CRYBG3: variants seen among roughly 807,000 people sequenced by gnomAD.
CRYBG3 encodes the protein crystallin beta-gamma domain containing 3.
In CRYBG3, 127 loss-of-function variants were observed where a neutral mutation model predicts 244.2. The ratio of observed to expected loss-of-function variants is 0.52; its 90% CI spans 0.45 to 0.60. The LOEUF is 0.60. Ranked by LOEUF, CRYBG3 falls within the 20% of genes least tolerant of loss-of-function variation. CRYBG3 has a pLI of 0.00. For synonymous variants in CRYBG3, 1,132 were observed against 1,195.8 expected (o/e 0.95, Z 1.10); for missense variants, 3,325 against 3,442.5 (o/e 0.97, Z 0.85).
chr3:97,855,275 T>C (rs1246060099), intron 2 of CRYBG3, among the ~76,000 whole-genome samples: 1 of 152,270 alleles, frequency 6.6e-6, no homozygotes, highest in East Asian at 1.9e-4. Context: ...CTTGTTATTC[T>C]AGGGTAATGG....
intron 17 of CRYBG3, among the ~76,000 whole-genome samples, chr3:97,927,423 T>C (rs2107088477): frequency 6.6e-6 from 1 of 152,120 alleles, no homozygotes; most frequent in Admixed American, 6.6e-5. Context: ...TAACTCAAGA[T>C]GGATTAAAGA....
In CRYBG3 at chr3:97,872,450, C is replaced by T; in HGVS notation, c.1256C>T (p.Thr419Ile). Residue 419 changes from threonine to isoleucine, a missense_variant, in exon 4 of 22, where the codon ACA becomes ATA. Coordinates refer to ENST00000389622, the MANE Select transcript of CRYBG3 (RefSeq NM_153605.4). The stretch of plus-strand genomic sequence containing the variant: ...AACAGCACTGTGATGAGTAATAGGA[C>T]ATTGGTGCAAAGAGAGGAGCTTGTT... Reference protein sequence around the residue: ...KENSTVMSNRTLVQREELVEP... With the variant: ...KENSTVMSNRILVQREELVEP... 1 of 1,535,958 alleles carries T rather than the reference C, an allele frequency of 6.5e-7. No homozygotes were observed. The highest frequency in any genetic ancestry group is 8.7e-7 in the Non-Finnish European group (1 of 1,146,808).
chr3:97,929,525 G>GT (rs1559747074), intron 17 of CRYBG3, among the ~76,000 whole-genome samples: 1 of 151,540 alleles, frequency 6.6e-6, no homozygotes, highest in Non-Finnish European at 1.5e-5. Flanking sequence ...TATAATTCAA[G>GT]TATACTTATA....
chr3:97,886,592 T>A, intron 7 of CRYBG3, 39 bp from the exon 8 acceptor site: 1 of 1,565,542 alleles, frequency 6.4e-7, no homozygotes, highest in Non-Finnish European at 8.7e-7. Context: ...ACTGTGTGAC[T>A]CTAGTTGATT....
At chr3:97,879,219 T>G (rs1167734287) in intron 4 of CRYBG3, among the ~76,000 whole-genome samples, 1 of 152,216 alleles carries the variant, frequency 6.6e-6, no homozygotes, top group Non-Finnish European at 1.5e-5. Context: ...CTGTGTTTCC[T>G]ACCAGTACAC....
chr3:97,905,866 T>G (rs2039767861), intron 15 of CRYBG3, among the ~76,000 whole-genome samples: 1 of 129,676 alleles, frequency 7.7e-6, no homozygotes, highest in Non-Finnish European at 1.7e-5. Flanking sequence ...TCTAGGGTTT[T>G]TATGGTTTTA....
At chr3:97,847,297 A>G (rs1208278636) in intron 2 of CRYBG3, among the ~76,000 whole-genome samples, 2 of 152,142 alleles carry the variant, frequency 1.3e-5, no homozygotes, top group Non-Finnish European at 2.9e-5. Context: ...CAACAACAAA[A>G]ATACTCTTTT....
Position 97,928,824 on chromosome 3 carries a change from A to G in CRYBG3, c.8242-4870A>G, listed in dbSNP as rs187514691. Among the ~76,000 whole-genome samples the G allele has an allele frequency of 1.4e-4, 21 of 152,014 alleles. No homozygotes were observed. The East Asian group carries it at 2.9e-3, about 21-fold the overall frequency. ...GTAGAGTTATGTTGACTAGGAAAAA[A>G]ATTTTTGATTTTAAAGCTTTTTGGA... is the stretch of plus-strand genomic sequence containing the variant. On this transcript the variant is annotated intron_variant, in intron 17 of 21. Coordinates refer to ENST00000389622, the MANE Select transcript of CRYBG3 (RefSeq NM_153605.4).
At chr3:97,847,225 C>T (rs541021997) in intron 2 of CRYBG3, among the ~76,000 whole-genome samples, 15 of 152,298 alleles carry the variant, frequency 9.8e-5, no homozygotes, top group Non-Finnish European at 7.4e-5. Flanking sequence ...GTACAAACAT[C>T]CAAACTGTAT....
chr3:97,884,840 G>T (rs2039489078), intron 7 of CRYBG3, among the ~76,000 whole-genome samples: 1 of 151,970 alleles, frequency 6.6e-6, no homozygotes, highest in African/African-American at 2.4e-5. Context: ...ATTTTTTAGT[G>T]ATTACACTTT....
At chr3:97,839,650 T>C (rs537365142) in intron 1 of CRYBG3, among the ~76,000 whole-genome samples, 1 of 146,474 alleles carries the variant, frequency 6.8e-6, no homozygotes, top group African/African-American at 2.6e-5. Context: ...TGGTTATAGA[T>C]TTTTTTTTTT....
chr3:97,926,557 A>G (rs1050782301), intron 17 of CRYBG3, among the ~76,000 whole-genome samples: 23 of 152,158 alleles, frequency 1.5e-4, no homozygotes, highest in African/African-American at 4.8e-4. Context: ...ATAGCACTGG[A>G]AGACCTAGCC....
At chr3:97,886,283 G>C (rs1028793779) in intron 7 of CRYBG3, among the ~76,000 whole-genome samples, 1 of 151,970 alleles carries the variant, frequency 6.6e-6, no homozygotes, top group Non-Finnish European at 1.5e-5. Context: ...CTGCTAAGAA[G>C]GAAGGCTTAC....
At chr3:97,841,009 T>C (rs536547139) in intron 1 of CRYBG3, among the ~76,000 whole-genome samples, 12 of 151,934 alleles carry the variant, frequency 7.9e-5, no homozygotes, top group Admixed American at 3.3e-4. Context: ...ACTAGTAAAA[T>C]AGAAAAAAAG....
Position 97,876,095 on chromosome 3 carries a change from T to G in CRYBG3, c.4901T>G (p.Ile1634Ser), listed in dbSNP as rs2039367993. 1.6e-6 allele frequency: 2 copies of G among 1,231,650 alleles called. No homozygotes were observed. Among genetic ancestry groups the G allele is most frequent in the Non-Finnish European group, 2.0e-6 (2 of 987,808 alleles). The allele number at this position is 1,231,650 out of a possible 1,614,324, so 76.3% of individuals were successfully genotyped here. Reference protein sequence around the residue: ...MKDTEGDIGKIEVIPMMPEVK... With the variant: ...MKDTEGDIGKSEVIPMMPEVK... ...GATACTGAAGGGGATATTGGCAAAA[T>G]TGAGGTGATACCTATGATGCCAGAA... Residue 1634 changes from isoleucine (I) to serine (S), a missense_variant, in exon 4 of 22, where the codon ATT (isoleucine) becomes AGT (serine). Physicochemically the swap from Ile to Ser is moderately radical, Grantham distance 142. This residue lies in a region of CRYBG3 where 635 missense variants were observed against 771.7 expected (regional missense o/e 0.82). Transcript: ENST00000389622.
chr3:97,883,812 A>T (rs1376789096), intron 7 of CRYBG3, among the ~76,000 whole-genome samples: 1 of 152,224 alleles, frequency 6.6e-6, no homozygotes, highest in African/African-American at 2.4e-5. Flanking sequence ...CAACGTTGTC[A>T]GAATTCTTCC....
In CRYBG3 at chr3:97,870,670, T is replaced by G. The variant is rs75774179; in HGVS notation, c.648-1172T>G. On this transcript the variant is annotated intron_variant, in intron 3 of 21. Coordinates refer to ENST00000389622, the MANE Select transcript of CRYBG3 (RefSeq NM_153605.4). ...GAGTTCAAAATGTAAAACATTTTGA[T>G]TATCACATATAAGAATTAAGACATT... Among the ~76,000 whole-genome samples the G allele has an allele frequency of 5.3e-3, 811 of 152,270 alleles. 5 individuals are homozygous for G. The highest frequency in any genetic ancestry group is 0.018 in the African/African-American group (765 of 41,556).
intron 10 of CRYBG3, among the ~76,000 whole-genome samples, chr3:97,891,090 C>T (rs9990346): frequency 0.46 from 69,377 of 151,862 alleles, 16,703 homozygotes; most frequent in East Asian, 0.67. Flanking sequence ...GAATAGTAGG[C>T]CATAGAAGCA....
At chr3:97,864,716 T>A in intron 3 of CRYBG3, 69 bp downstream of exon 3, 1 of 1,021,538 alleles carries the variant, frequency 9.8e-7, no homozygotes, top group Non-Finnish European at 1.4e-6. Context: ...GCTTTAGCTT[T>A]AATCCTAGTA....
Sources: gnomAD v4.1 joint callset for allele counts (sites outside exome capture counted in the v4.1 genomes callset) on GRCh38, gnomAD v4.1.1 for gene constraint, gnomAD v4.1.1 regional missense constraint, MANE v1.5 for transcripts, NCBI Gene and HGNC (gene_info 2026-07-23, HGNC 2026-07-21) for gene names.